Variants in NECAB2 observed in about 807,000 individuals in gnomAD.
NECAB2 encodes N-terminal EF-hand calcium-binding protein 2.
NECAB2 carries 68 observed loss-of-function variants against 51.9 expected under a neutral mutation model. That is an observed-to-expected ratio of 1.31 (90% CI 1.08 to 1.60). The LOEUF is 1.60. NECAB2 is among the 40% of genes most tolerant of loss of function. The pLI, the probability that NECAB2 is intolerant of heterozygous loss-of-function variation, is 0.00. For missense variants in NECAB2, 854 were observed against 490.3 expected (o/e 1.74, Z -7.00); for synonymous variants, 329 against 203.5 (o/e 1.62, Z -5.25).
chr16:83,987,114 A>T (rs923402534), intron 5 of NECAB2, among the ~76,000 whole-genome samples: 1 of 152,232 alleles, frequency 6.6e-6, no homozygotes, highest in Admixed American at 6.5e-5. Flanking sequence ...TCAAATAAAT[A>T]AATGTTGGAA....
intron 3 of NECAB2, among the ~76,000 whole-genome samples, chr16:83,979,376 C>T (rs2084455979): frequency 6.6e-6 from 1 of 152,178 alleles, no homozygotes; most frequent in Non-Finnish European, 1.5e-5. Context: ...GAGCTACCAC[C>T]AAACCAGTGT....
In NECAB2 at chr16:84,002,106, C is replaced by T. The variant is rs5012589; in HGVS notation, c.1132+190C>T. 4.2e-4 allele frequency among the ~76,000 whole-genome samples: 64 copies of T among 152,278 alleles called. 2 individuals carry two copies. The highest frequency in any genetic ancestry group is 3.4e-3 in the Middle Eastern group (1 of 294). Reference sequence around the variant, plus strand: ...ATACAGGTATGCCTGCCAGAGCTTGCACCAGAGCACCCCCTCCACGGCCCC... The same window carrying T: ...ATACAGGTATGCCTGCCAGAGCTTGTACCAGAGCACCCCCTCCACGGCCCC... On this transcript the variant is annotated intron_variant, in intron 12 of 12. Coordinates refer to ENST00000305202, the MANE Select transcript of NECAB2 (RefSeq NM_019065.3).
At position 83,998,286 on chromosome 16, in the gene NECAB2, C is replaced by A. The variant is rs377652406; in HGVS notation, c.931C>A (p.Arg311=). Residue 311 remains arginine, a synonymous_variant, in exon 10 of 13, where the codon CGG becomes AGG. Transcript: ENST00000305202. Reference sequence around the variant, plus strand: ...TCTGGACTCTCTGCGCCAGTATCTGCGGGGGACCACTGGCGTGAGGAACTG... The same window carrying A: ...TCTGGACTCTCTGCGCCAGTATCTGAGGGGGACCACTGGCGTGAGGAACTG... ...EFLDSLRQYL[R]GTTGVRNCFH... is the part of the protein sequence containing the mutation. 1.9e-6 allele frequency: 3 copies of A among 1,613,318 alleles called. No homozygotes were observed. Among genetic ancestry groups the A allele is most frequent in the Admixed American group, 1.7e-5 (1 of 59,988 alleles).
At chr16:83,969,084 G>C (rs1336089074) in intron 1 of NECAB2, among the ~76,000 whole-genome samples, 14 of 151,118 alleles carry the variant, frequency 9.3e-5, no homozygotes, top group Admixed American at 9.2e-4. Flanking sequence ...CCCTCCACCG[G>C]CGCTTCTCGG....
chr16:83,975,275 C>T (rs1258000586), intron 2 of NECAB2, among the ~76,000 whole-genome samples: 18 of 134,798 alleles, frequency 1.3e-4, no homozygotes, highest in South Asian at 7.4e-4. Context: ...GGCGTGGGTG[C>T]GGGGATGGGA....
At position 83,990,630 on chromosome 16, in the gene NECAB2, G is replaced by T. The variant is rs146592610; in HGVS notation, c.596G>T (p.Arg199Leu). The T allele has an allele frequency of 3.7e-6, 6 of 1,613,894 alleles. No individual in the cohort carries two copies. In the African/African-American group the frequency reaches 6.7e-5, roughly 18 times the overall value. Residue 199 changes from arginine to leucine, a missense_variant and splice_region_variant, in exon 6 of 13, where the codon CGA becomes CTA. Transcript: ENST00000305202. ...ATCGAGGAACAGACCAGCCAGCTCC[G>T]GTGAGTCTCTGAGACCCTGCAGGGT... The part of the protein sequence containing the change: ...EAIEEQTSQL[R>L]QNHIKPSHSA...
upstream of NECAB2, chr16:83,966,132 G>A: frequency 1.3e-6 from 1 of 774,810 alleles, no homozygotes; most frequent in Non-Finnish European, 2.0e-6. Context: ...TGGCCTTTGG[G>A]GTCAAGAGGA....
chr16:83,995,921 ACT>A (rs1330363266), intron 8 of NECAB2, among the ~76,000 whole-genome samples: 5 of 151,926 alleles, frequency 3.3e-5, no homozygotes, highest in Non-Finnish European at 7.4e-5. Context: ...CGGGAGGGAG[ACT>A]CTGAAGCTTA....
intron 8 of NECAB2, among the ~76,000 whole-genome samples, chr16:83,996,730 G>A (rs192360513): frequency 1.3e-5 from 2 of 152,292 alleles, no homozygotes; most frequent in East Asian, 1.9e-4. Context: ...GGCACCAGTC[G>A]TGGGCGAACA....
rs895545980 is a variant in NECAB2, at chr16:83,968,785, C to A, written c.137C>A (p.Ala46Asp). ...ARMGEPRESL[A>D]PAAPADPGPA... ...ATGGGCGAGCCCCGGGAGTCGCTGG[C>A]CCCCGCCGCCCCCGCGGACCCCGGC... is the stretch of plus-strand genomic sequence containing the variant. Residue 46 changes from alanine to aspartate, a missense_variant, in exon 1 of 13, where the codon GCC (alanine) becomes GAC (aspartate). Transcript: ENST00000305202. The A allele has an allele frequency of 9.0e-7, 1 of 1,112,396 alleles. No homozygotes were observed. Among genetic ancestry groups the A allele is most frequent in the Non-Finnish European group, 1.1e-6 (1 of 913,062 alleles). The allele number at this position is 1,112,396 out of a possible 1,614,324, so 68.9% of individuals were successfully genotyped here. A position where few individuals can be genotyped will look rare whatever the true frequency, so the allele number is the denominator to read the frequency against.
chr16:83,980,209 G>T lies in NECAB2; in HGVS notation c.336-630G>T, dbSNP rs183252826. Among the ~76,000 whole-genome samples the T allele has an allele frequency of 2.9e-3, 442 of 152,326 alleles. 1 individual carries two copies. The highest frequency in any genetic ancestry group is 4.0e-3 in the Non-Finnish European group (269 of 68,032). Reference sequence around the variant, plus strand: ...GACCATCTCTAGCCAGTCCCAGAGGGCCTCAGCTTATCAAATCTGCTCCTA... The same window carrying T: ...GACCATCTCTAGCCAGTCCCAGAGGTCCTCAGCTTATCAAATCTGCTCCTA... On this transcript the variant is annotated intron_variant, in intron 3 of 12. Coordinates refer to ENST00000305202, the MANE Select transcript of NECAB2 (RefSeq NM_019065.3).
chr16:83,968,183 G>C (rs1162842066), upstream of NECAB2, among the ~76,000 whole-genome samples: 1 of 151,364 alleles, frequency 6.6e-6, no homozygotes, highest in Non-Finnish European at 1.5e-5. Context: ...CGTGGGCGCC[G>C]CTCCCCGGGG....
chr16:84,001,652 A>C (rs918065426), intron 11 of NECAB2, among the ~76,000 whole-genome samples, 173 bp from the exon 12 acceptor site: 2 of 151,646 alleles, frequency 1.3e-5, no homozygotes, highest in African/African-American at 2.4e-5. Context: ...TGCCCACCCC[A>C]GAGTCAGCCT....
chr16:83,994,238 C>A lies in NECAB2; in HGVS notation c.597-64C>A, dbSNP rs1597219728. 21 of 1,427,792 alleles carry A rather than the reference C, an allele frequency of 1.5e-5. No homozygotes were observed. In the East Asian group the frequency reaches 4.6e-4, roughly 31 times the overall value. The allele number at this position is 1,427,792 out of a possible 1,614,324, so 88.4% of individuals were successfully genotyped here. A position where few individuals can be genotyped will look rare whatever the true frequency, so the allele number is the denominator to read the frequency against. ...GCGTAATAAATGCCTGTGGAAGATGCTGGAAGTGGTAAGGGCCCTGAAGCC... is the reference window on the plus strand; with the variant it reads ...GCGTAATAAATGCCTGTGGAAGATGATGGAAGTGGTAAGGGCCCTGAAGCC... On this transcript the variant is annotated intron_variant, in intron 6 of 12. Transcript: ENST00000305202.
intron 5 of NECAB2, among the ~76,000 whole-genome samples, chr16:83,990,098 C>T (rs2084603200): frequency 6.6e-6 from 1 of 152,226 alleles, no homozygotes; most frequent in Non-Finnish European, 1.5e-5. Context: ...GTCACTATCA[C>T]TGCCACCATC....
chr16:83,990,120 T>C (rs906106822), intron 5 of NECAB2, among the ~76,000 whole-genome samples: 6 of 152,214 alleles, frequency 3.9e-5, no homozygotes, highest in Non-Finnish European at 1.5e-5. Flanking sequence ...CCGTCATCTA[T>C]ATTGTAGCAC....
At chr16:83,996,988 A>C (rs2084710588) in intron 8 of NECAB2, among the ~76,000 whole-genome samples, 1 of 150,542 alleles carries the variant, frequency 6.6e-6, no homozygotes, top group Non-Finnish European at 1.5e-5. Context: ...AGGCCTCTGG[A>C]GTCCCCCTTG....
At chr16:83,982,061 G>C (rs2084495617) in intron 5 of NECAB2, among the ~76,000 whole-genome samples, 1 of 152,204 alleles carries the variant, frequency 6.6e-6, no homozygotes, top group East Asian at 1.9e-4. Context: ...AAGTCCTTCA[G>C]AGATTGAGCC....
chr16:84,001,124 G>T (rs1228184102), intron 11 of NECAB2, among the ~76,000 whole-genome samples: 1 of 152,092 alleles, frequency 6.6e-6, no homozygotes, highest in African/African-American at 2.4e-5. Context: ...AGAGTTGAGG[G>T]CCTAACCTAG....
Sources: gnomAD v4.1 joint callset for allele counts (sites outside exome capture counted in the v4.1 genomes callset) on GRCh38, gnomAD v4.1.1 for gene constraint, MANE v1.5 for transcripts, NCBI Gene and HGNC (gene_info 2026-07-23, HGNC 2026-07-21) for gene names.